The following CDH12 variants were observed in gnomAD, a reference collection of about 807,000 sequenced individuals.
The protein encoded by CDH12 is cadherin-12.
A neutral mutation model predicts 74.1 loss-of-function variants in CDH12; 41 were observed. The observed-to-expected ratio is 0.55, with a 90% CI of 0.43 to 0.72. The LOEUF is 0.72. CDH12 is among the 30% of genes least tolerant of loss of function. The pLI, the probability that CDH12 is intolerant of heterozygous loss-of-function variation, is 0.00. For synonymous variants in CDH12, 399 were observed against 355.0 expected (o/e 1.12, Z -1.39); for missense variants, 945 against 977.2 (o/e 0.97, Z 0.44).
chr5:21,934,114 CCA>C (rs151001261), intron 6 of CDH12, among the ~76,000 whole-genome samples: 23 of 151,542 alleles, frequency 1.5e-4, no homozygotes, highest in South Asian at 8.4e-4. Flanking sequence ...TTACACACAC[CCA>C]CACACACACA....
chr5:22,298,573 T>C (rs1737730510), intron 3 of CDH12, among the ~76,000 whole-genome samples: 1 of 152,108 alleles, frequency 6.6e-6, no homozygotes, highest in African/African-American at 2.4e-5. Context: ...CTAAACTACA[T>C]AGTGTACATA....
At chr5:22,355,464 C>G (rs1235066507) in intron 3 of CDH12, among the ~76,000 whole-genome samples, 2 of 150,884 alleles carry the variant, frequency 1.3e-5, no homozygotes. Context: ...GTAGTAAGTA[C>G]TGCTGAACAC....
chr5:22,213,184 C>G (rs144875672), intron 3 of CDH12, among the ~76,000 whole-genome samples: 8,430 of 152,000 alleles, frequency 0.055, 259 homozygotes, highest in Non-Finnish European at 0.062. Flanking sequence ...CTTTGTCGAA[C>G]TAAAATGAAT....
chr5:22,308,210 A>G (rs1209554681), intron 3 of CDH12, among the ~76,000 whole-genome samples: 1 of 152,126 alleles, frequency 6.6e-6, no homozygotes, highest in East Asian at 1.9e-4. Context: ...ATGAGATTCT[A>G]GAAAAGCAGA....
rs540573844 is a variant in CDH12, at chr5:22,369,828, T to C, written c.-333+35429A>G. The stretch of plus-strand genomic sequence containing the variant: ...AACACTCAAAATCATTCATAGTGAC[T>C]GTCAGAATATGTGAAAACCCTGTCT... On this transcript the variant is annotated intron_variant, in intron 3 of 14. Coordinates refer to ENST00000382254, the MANE Select transcript of CDH12 (RefSeq NM_004061.5). Among the ~76,000 whole-genome samples, 3 of 152,330 alleles carry C rather than the reference T, an allele frequency of 2.0e-5. No homozygotes were observed. In the South Asian group the frequency reaches 6.2e-4, roughly 32 times the overall value.
intron 6 of CDH12, among the ~76,000 whole-genome samples, chr5:21,870,040 T>C (rs1751535345): frequency 1.3e-5 from 2 of 152,098 alleles, no homozygotes; most frequent in African/African-American, 4.8e-5. Flanking sequence ...GATCTGATGG[T>C]TTGTTTTATC....
chr5:22,517,430 G>A (rs1736857766), intron 1 of CDH12, among the ~76,000 whole-genome samples: 2 of 152,110 alleles, frequency 1.3e-5, no homozygotes, highest in East Asian at 3.9e-4. Flanking sequence ...ATATTTACCT[G>A]AAAATATTGA....
rs1397837548 is a variant in CDH12 at position 21,990,667 on chromosome 5, T to C, written c.232-15282A>G. 2.6e-5 allele frequency among the ~76,000 whole-genome samples: 4 copies of C among 152,012 alleles called. No individual in the cohort carries two copies. The South Asian group carries it at 8.3e-4, about 31-fold the overall frequency. ...TGTAGAAAAAGCTATCAAGCTTCTATATTTTGCCAGGCAACTTTCTAATGG... is the reference window on the plus strand; with the variant it reads ...TGTAGAAAAAGCTATCAAGCTTCTACATTTTGCCAGGCAACTTTCTAATGG... On this transcript the variant is annotated intron_variant, in intron 5 of 14. Transcript: ENST00000382254.
chr5:22,321,853 C>T (rs901350253), intron 3 of CDH12, among the ~76,000 whole-genome samples: 1 of 151,864 alleles, frequency 6.6e-6, no homozygotes, highest in East Asian at 1.9e-4. Flanking sequence ...TTGGTTAAGT[C>T]CAGAATATAA....
chr5:22,714,496 C>G (rs1308865050), intron 1 of CDH12, among the ~76,000 whole-genome samples: 1 of 152,114 alleles, frequency 6.6e-6, no homozygotes, highest in Non-Finnish European at 1.5e-5. Flanking sequence ...ATATGCTCTG[C>G]TATCTGATGG....
At chr5:22,502,390 T>C (rs1174899397) in intron 2 of CDH12, among the ~76,000 whole-genome samples, 2 of 152,068 alleles carry the variant, frequency 1.3e-5, no homozygotes, top group Admixed American at 6.6e-5. Context: ...GAACTGTGAG[T>C]CCATTAAACC....
chr5:21,808,643 GCTGAACAATAAAGATAAGATGTT>G (rs1747570937), intron 9 of CDH12, among the ~76,000 whole-genome samples: 2 of 152,008 alleles, frequency 1.3e-5, no homozygotes, highest in Non-Finnish European at 2.9e-5. Flanking sequence ...ATTACACTAG[GCTGAACAATAAAGATAAGATGTT>G]CAGAACAAGC....
intron 4 of CDH12, among the ~76,000 whole-genome samples, chr5:22,155,078 C>T (rs1207421229): frequency 6.6e-6 from 1 of 152,122 alleles, no homozygotes. Flanking sequence ...CCTTCCGTTT[C>T]TGTAATAAAG....
chr5:22,426,483 T>C (rs984879124), intron 2 of CDH12, among the ~76,000 whole-genome samples: 3 of 152,070 alleles, frequency 2.0e-5, no homozygotes, highest in African/African-American at 7.2e-5. Context: ...TGAGACAAAA[T>C]CTACTGGAGT....
At position 22,175,030 on chromosome 5, in the gene CDH12, T is replaced by C. The variant is rs1580358747; in HGVS notation, c.-187+37468A>G. Among the ~76,000 whole-genome samples, 3 of 152,108 alleles carry C rather than the reference T, an allele frequency of 2.0e-5. No homozygotes were observed. In the East Asian group the frequency reaches 5.8e-4, roughly 29 times the overall value. ...CTACTTACCTAGAGTTAAATTAATA[T>C]TTTAAAATAAATATTAATGAATTAA... is the stretch of plus-strand genomic sequence containing the variant. On this transcript the variant is annotated intron_variant, in intron 4 of 14. Transcript: ENST00000382254.
At chr5:22,542,283 A>G (rs1738139672) in intron 1 of CDH12, among the ~76,000 whole-genome samples, 2 of 152,172 alleles carry the variant, frequency 1.3e-5, no homozygotes, top group Admixed American at 1.3e-4. Context: ...AAGCAATTTT[A>G]AAAAATTGGT....
chr5:22,813,083 C>A (rs1749225616), intron 1 of CDH12, among the ~76,000 whole-genome samples: 1 of 152,092 alleles, frequency 6.6e-6, no homozygotes, highest in South Asian at 2.1e-4. Context: ...GTAGGTCCAG[C>A]TTTCAAATTC....
chr5:21,813,367 C>T (rs528887872), intron 9 of CDH12, among the ~76,000 whole-genome samples: 1 of 152,098 alleles, frequency 6.6e-6, no homozygotes, highest in Non-Finnish European at 1.5e-5. Context: ...GTAATCCCAA[C>T]TACTTGGGAG....
intron 6 of CDH12, chr5:21,883,555 G>T (rs1285283941): frequency 5.6e-6 from 9 of 1,608,954 alleles, no homozygotes; most frequent in Non-Finnish European, 7.7e-6. Context: ...GCTACTGGTG[G>T]TGCAGTGTTT....
Sources: allele counts gnomAD v4.1 joint callset (sites outside exome capture counted in the v4.1 genomes callset), GRCh38; gene constraint gnomAD v4.1.1; transcripts MANE v1.5; gene names NCBI Gene and HGNC (gene_info 2026-07-23, HGNC 2026-07-21).